PSMA1: variants seen among roughly 807,000 people sequenced by gnomAD.
PSMA1 encodes the protein proteasome subunit alpha type-1.
PSMA1 carries 3 observed loss-of-function variants against 38.4 expected under a neutral mutation model. The observed-to-expected ratio is 0.08, with a 90% CI of 0.04 to 0.20. The LOEUF (loss-of-function observed/expected upper bound fraction) is 0.20, where lower values mean the gene tolerates loss of function less well. Ranked by LOEUF, PSMA1 falls within the 10% of genes least tolerant of loss-of-function variation. PSMA1 has a pLI of 1.00. For synonymous variants in PSMA1, 101 were observed against 107.1 expected, an observed-to-expected ratio of 0.94 and a Z score of 0.35; for missense variants, 227 against 325.3, an observed-to-expected ratio of 0.70 and a Z score of 2.32.
At chr11:14,584,500 GTTTTTTGTTT>G (rs1852318521) in intron 2 of PSMA1, among the ~76,000 whole-genome samples, 1 of 133,666 alleles carries the variant, frequency 7.5e-6, no homozygotes, top group African/African-American at 3.0e-5. Flanking sequence ...TGTTTTTTTT[GTTTTTTGTTT>G]TTTTTTTTTT....
intron 1 of PSMA1, among the ~76,000 whole-genome samples, chr11:14,632,906 C>A (rs1853046375): frequency 6.6e-6 from 1 of 151,766 alleles, no homozygotes; most frequent in African/African-American, 2.4e-5. Context: ...ATCGCTGATA[C>A]CCTTTCTTCC....
upstream of PSMA1, chr11:14,520,393 G>C (rs980023370): frequency 5.6e-6 from 9 of 1,613,588 alleles, no homozygotes; most frequent in South Asian, 1.1e-5. Context: ...AGAGAAGTCT[G>C]CGGGAGTTTG....
intron 4 of PSMA1, 60 bp downstream of exon 4, chr11:14,517,582 T>C (rs1851450351): frequency 3.0e-6 from 4 of 1,336,916 alleles, no homozygotes; most frequent in African/African-American, 1.5e-5. Flanking sequence ...CTGGATCTTT[T>C]TGAGAAAACT....
chr11:14,633,737 C>G (rs1853069789), intron 1 of PSMA1, among the ~76,000 whole-genome samples: 1 of 152,198 alleles, frequency 6.6e-6, no homozygotes, highest in Non-Finnish European at 1.5e-5. Context: ...CTCCCCCAGC[C>G]TAACTGCCGC....
chr11:14,581,363 G>T (rs926046307), intron 2 of PSMA1, among the ~76,000 whole-genome samples: 5 of 152,132 alleles, frequency 3.3e-5, no homozygotes, highest in Non-Finnish European at 7.4e-5. Context: ...GGAATCCAAG[G>T]TCTAAAACCA....
chr11:14,641,429 GA>G (rs1222175902), intron 1 of PSMA1, among the ~76,000 whole-genome samples: 1 of 152,208 alleles, frequency 6.6e-6, no homozygotes, highest in African/African-American at 2.4e-5. Context: ...TGTAAACAGA[GA>G]AGGGAGTTAC....
intron 1 of PSMA1, among the ~76,000 whole-genome samples, chr11:14,638,899 C>T (rs982216585): frequency 1.3e-5 from 2 of 151,428 alleles, no homozygotes; most frequent in African/African-American, 4.9e-5. Flanking sequence ...AGGGAGGGAA[C>T]AAGAAAACTT....
At chr11:14,544,581 C>T (rs951282634) in intron 2 of PSMA1, among the ~76,000 whole-genome samples, 3 of 152,052 alleles carry the variant, frequency 2.0e-5, no homozygotes, top group Non-Finnish European at 4.4e-5. Context: ...AGAAGATGTT[C>T]AACATCATTA....
At chr11:14,505,328 A>T in intron 9 of PSMA1, 80 bp from the exon 10 acceptor site, 1 of 1,231,298 alleles carries the variant, frequency 8.1e-7, no homozygotes, top group South Asian at 1.2e-5. Flanking sequence ...ATATTACGTT[A>T]TTAAAAATTG....
chr11:14,622,438 T>A (rs956597096), intron 1 of PSMA1, among the ~76,000 whole-genome samples: 1 of 152,218 alleles, frequency 6.6e-6, no homozygotes, highest in Non-Finnish European at 1.5e-5. Flanking sequence ...TTATGCTGAT[T>A]GTTTAGAATG....
At chr11:14,513,434 T>A in intron 7 of PSMA1, 136 bp downstream of exon 7, 1 of 1,001,318 alleles carries the variant, frequency 1.0e-6, no homozygotes, top group East Asian at 3.2e-5. Context: ...AATAAACTCT[T>A]CATGGGCATA....
At chr11:14,587,040 A>G (rs1852354615) in intron 2 of PSMA1, among the ~76,000 whole-genome samples, 1 of 152,160 alleles carries the variant, frequency 6.6e-6, no homozygotes, top group South Asian at 2.1e-4. Context: ...TTTTGAATTT[A>G]CTTAATATCT....
chr11:14,577,212 A>G (rs1852228874), intron 2 of PSMA1, among the ~76,000 whole-genome samples: 1 of 152,214 alleles, frequency 6.6e-6, no homozygotes, highest in Admixed American at 6.5e-5. Context: ...TGATTCCATG[A>G]AAGCCCTATA....
At chr11:14,637,093 G>A (rs1048192821) in intron 1 of PSMA1, among the ~76,000 whole-genome samples, 77 of 152,088 alleles carry the variant, frequency 5.1e-4, no homozygotes, top group African/African-American at 1.7e-3. Flanking sequence ...TAAAGTCCAG[G>A]TTTCTCAGAA....
At chr11:14,514,135 G>A in intron 5 of PSMA1, 2 of 1,324,654 alleles carry the variant, frequency 1.5e-6, no homozygotes, top group Non-Finnish European at 1.9e-6. Context: ...GATACAAGGG[G>A]TCTAGGATTT....
intron 1 of PSMA1, among the ~76,000 whole-genome samples, chr11:14,634,278 TG>T (rs1193928903): frequency 6.6e-6 from 1 of 152,234 alleles, no homozygotes; most frequent in Non-Finnish European, 1.5e-5. Flanking sequence ...TATTCCATTT[TG>T]TATTACAGTT....
At chr11:14,552,085 G>C (rs1016720859) in intron 2 of PSMA1, among the ~76,000 whole-genome samples, 3 of 152,178 alleles carry the variant, frequency 2.0e-5, no homozygotes, top group Admixed American at 2.0e-4. Context: ...GGAGGGTTGA[G>C]ACAGAAATGA....
intron 1 of PSMA1, among the ~76,000 whole-genome samples, chr11:14,630,116 A>G (rs1384135877): frequency 1.3e-5 from 2 of 152,128 alleles, no homozygotes; most frequent in African/African-American, 4.8e-5. Context: ...GCAAAAAGGG[A>G]CAATTTGACT....
At chr11:14,529,025 G>A (rs922329827) in intron 2 of PSMA1, among the ~76,000 whole-genome samples, 1 of 151,232 alleles carries the variant, frequency 6.6e-6, no homozygotes. Context: ...CTCACACAAA[G>A]CCTGTTTGGT....
Sources: allele counts gnomAD v4.1 joint callset (sites outside exome capture counted in the v4.1 genomes callset), GRCh38; gene constraint gnomAD v4.1.1; transcripts MANE v1.5; gene names NCBI Gene and HGNC (gene_info 2026-07-23, HGNC 2026-07-21).